CCDC144A: variants seen among roughly 807,000 people sequenced by gnomAD.
The protein encoded by CCDC144A is coiled-coil domain-containing protein 144A.
CCDC144A carries 41 observed loss-of-function variants against 143.8 expected under a neutral mutation model. That is an observed-to-expected ratio of 0.29 (90% confidence interval 0.22 to 0.37). The LOEUF (loss-of-function observed/expected upper bound fraction) is 0.37. Among genes scored for constraint, CCDC144A ranks in the 10% least tolerant of loss-of-function variants. CCDC144A has a pLI of 1.00. For missense variants in CCDC144A, 637 were observed against 1,488.8 expected (o/e 0.43, Z 9.41); for synonymous variants, 242 against 517.9 (o/e 0.47, Z 7.23).
intron 9 of CCDC144A, among the ~76,000 whole-genome samples, chr17:16,729,617 G>A (rs1429059675): frequency 1.5e-4 from 23 of 151,548 alleles, no homozygotes; most frequent in Admixed American, 8.6e-4. Context: ...GTATAATGGC[G>A]TGATCTCGGC....
chr17:16,718,835 T>G lies in CCDC144A; in HGVS notation c.1716-1363T>G, dbSNP rs1003084713. 1.5e-4 allele frequency among the ~76,000 whole-genome samples: 19 copies of G among 125,710 alleles called. 2 individuals are homozygous for G. Among genetic ancestry groups the G allele is most frequent in the South Asian group, 2.8e-4 (1 of 3,516 alleles). 82.5% of individuals were successfully genotyped at this position (125,710 alleles called of 152,430 possible). A position where few individuals can be genotyped will look rare whatever the true frequency, so the allele number is the denominator to read the frequency against. On this transcript the variant is annotated intron_variant, in intron 6 of 16. Coordinates refer to ENST00000399273, the MANE Select transcript of CCDC144A (RefSeq NM_001382000.1). ...TATTACTTCTGGATTATAAAGTGTT[T>G]TTTTTTTTTTTTTTGAGACAGAGTC...
At chr17:16,729,275 GAGC>G (rs1913591835) in intron 9 of CCDC144A, among the ~76,000 whole-genome samples, 6 of 152,112 alleles carry the variant, frequency 3.9e-5, no homozygotes, top group African/African-American at 7.2e-5. Context: ...TTTTAATAAT[GAGC>G]ATGCTGGCTG....
chr17:16,740,613 G>A lies in CCDC144A; in HGVS notation c.3372+4970G>A, dbSNP rs909274339. On this transcript the variant is annotated intron_variant, in intron 12 of 16. Coordinates refer to ENST00000399273, the MANE Select transcript of CCDC144A (RefSeq NM_001382000.1). The stretch of plus-strand genomic sequence containing the variant: ...CAAATGAGCTTGAAGTAAGGTAAAG[G>A]GGAAATTGCATTTAATAGCTTAACA... 2.6e-5 allele frequency among the ~76,000 whole-genome samples: 4 copies of A among 152,038 alleles called. No homozygotes were observed. In the East Asian group the frequency reaches 7.7e-4, roughly 29 times the overall value.
chr17:16,689,709 C>G (rs917942378), upstream of CCDC144A: 5 of 152,472 alleles, frequency 3.3e-5, no homozygotes, highest in African/African-American at 1.2e-4. Context: ...GTCCCTGGCT[C>G]CAGGCGCAGG....
chr17:16,746,735 C>A, intron 12 of CCDC144A: 1 of 1,611,348 alleles, frequency 6.2e-7, no homozygotes, highest in East Asian at 2.2e-5. Flanking sequence ...CTTGGTGAGG[C>A]CCGGAGGCAG....
intron 9 of CCDC144A, chr17:16,731,419 C>T (rs1285833790): frequency 5.0e-6 from 1 of 198,976 alleles, no homozygotes; most frequent in Non-Finnish European, 1.0e-5. Context: ...TGTTTGTAAA[C>T]AGTAACTTCT....
intron 9 of CCDC144A, among the ~76,000 whole-genome samples, chr17:16,730,927 CTT>C (rs1300189337): frequency 4.9e-5 from 7 of 143,868 alleles, no homozygotes; most frequent in African/African-American, 1.6e-4. Flanking sequence ...GATAGTTTGA[CTT>C]TGTCTTTTCC....
chr17:16,728,939 G>C (rs1252353651), intron 9 of CCDC144A, among the ~76,000 whole-genome samples: 1 of 152,164 alleles, frequency 6.6e-6, no homozygotes, highest in South Asian at 2.1e-4. Context: ...TTATGGCTGA[G>C]TAGTACTCCA....
intron 15 of CCDC144A, among the ~76,000 whole-genome samples, chr17:16,770,213 G>A (rs1413014321): frequency 6.6e-6 from 1 of 151,766 alleles, no homozygotes; most frequent in African/African-American, 2.4e-5. Context: ...GCAGTGGCAC[G>A]ATCTCAGCTC....
intron 12 of CCDC144A, among the ~76,000 whole-genome samples, chr17:16,743,592 A>T (rs1429916613): frequency 1.3e-5 from 2 of 151,822 alleles, no homozygotes; most frequent in East Asian, 3.9e-4. Flanking sequence ...GTTCCATATG[A>T]ATTTTAGGAT....
chr17:16,680,146 T>C, the CCDC144A span, among the ~76,000 whole-genome samples: 1 of 151,964 alleles, frequency 6.6e-6, no homozygotes, highest in East Asian at 1.9e-4. Context: ...TCCAACCTTT[T>C]GGCTGGGCAT....
At chr17:16,767,082 G>A (rs1915631158) in intron 15 of CCDC144A, 1 of 152,628 alleles carries the variant, frequency 6.6e-6, no homozygotes, top group Admixed American at 6.5e-5. Flanking sequence ...GTCACTTGAG[G>A]TCAGGAATTC....
chr17:16,697,157 G>C (rs1911463837), intron 2 of CCDC144A, among the ~76,000 whole-genome samples: 1 of 152,102 alleles, frequency 6.6e-6, no homozygotes, highest in Non-Finnish European at 1.5e-5. Context: ...TATTGGGTAG[G>C]GAGACAGCAA....
At chr17:16,712,472 T>G (rs973462815) in intron 6 of CCDC144A, among the ~76,000 whole-genome samples, 2 of 152,108 alleles carry the variant, frequency 1.3e-5, no homozygotes, top group Non-Finnish European at 2.9e-5. Flanking sequence ...CAACTTCACT[T>G]TTGGGACAAG....
Position 16,690,469 on chromosome 17 carries a change from G to A in CCDC144A, c.69G>A (p.Thr23=). Residue 23 remains threonine (T), a synonymous_variant, in exon 1 of 17, where the codon ACG becomes ACA. Coordinates refer to ENST00000399273, the MANE Select transcript of CCDC144A (RefSeq NM_001382000.1). ...EGSPKPAVYA[T]RKTPSVGSQG... ...CTCCGAAGCCGGCAGTCTACGCCACGAGGAAGACCCCTAGCGTCGGGAGCC... is the reference window on the plus strand; with the variant it reads ...CTCCGAAGCCGGCAGTCTACGCCACAAGGAAGACCCCTAGCGTCGGGAGCC... 1.2e-6 allele frequency: 2 copies of A among 1,613,002 alleles called. No individual in the cohort carries two copies. The highest frequency in any genetic ancestry group is 8.5e-7 in the Non-Finnish European group (1 of 1,179,560).
rs59024455 is a variant in CCDC144A, at chr17:16,748,971, G to GTTATTTATTTATTTAT, written c.3373-12441_3373-12426dup. Among the ~76,000 whole-genome samples the GTTATTTATTTATTTAT allele has an allele frequency of 4.6e-5, 7 of 150,618 alleles. No homozygotes were observed. In the East Asian group the frequency reaches 9.8e-4, roughly 21 times the overall value. ...GATTGTGCTTATTTAGATGTTCTCT[G>GTTATTTATTTATTTAT]TTATTTATTTATTTATTTATTTATT... is the stretch of plus-strand genomic sequence containing the variant. On this transcript the variant is annotated intron_variant, in intron 12 of 16. Transcript: ENST00000399273.
chr17:16,742,432 A>G (rs1298436860), intron 12 of CCDC144A, among the ~76,000 whole-genome samples: 7 of 152,176 alleles, frequency 4.6e-5, no homozygotes, highest in Admixed American at 4.6e-4. Flanking sequence ...GACATATACC[A>G]CATTTTCTTT....
chr17:16,676,563 A>G, the CCDC144A span, among the ~76,000 whole-genome samples: 1 of 151,554 alleles, frequency 6.6e-6, no homozygotes, highest in Non-Finnish European at 1.5e-5. Flanking sequence ...TGGCTTTTTT[A>G]GAAATAGCAT....
At chr17:16,682,910 T>G in the CCDC144A span, among the ~76,000 whole-genome samples, 10 of 127,080 alleles carry the variant, frequency 7.9e-5, no homozygotes, top group Admixed American at 1.6e-4. Context: ...TTTTTTTTTT[T>G]TTTTTTTTTG....
Sources: allele counts gnomAD v4.1 joint callset (sites outside exome capture counted in the v4.1 genomes callset), GRCh38; gene constraint gnomAD v4.1.1; transcripts MANE v1.5; gene names NCBI Gene and HGNC (gene_info 2026-07-23, HGNC 2026-07-21).